Variants in SERPINB8 observed in about 807,000 individuals in gnomAD.
SERPINB8 encodes the protein serpin family B member 8, also known as serpin B8.
In SERPINB8, 25 loss-of-function variants were observed where a neutral mutation model predicts 35.3. The observed-to-expected ratio is 0.71, with a 90% CI of 0.52 to 0.99. The LOEUF (loss-of-function observed/expected upper bound fraction) is 0.99, where lower values mean the gene tolerates loss of function less well. Ranked by LOEUF, SERPINB8 falls within the 50% of genes least tolerant of loss-of-function variation. The probability of loss-of-function intolerance (pLI) is 0.00; values close to 1 mark genes in which losing one functional copy is unlikely to be tolerated. For missense variants in SERPINB8, 484 were observed against 446.5 expected (o/e 1.08, Z -0.76); for synonymous variants, 186 against 160.8 (o/e 1.16, Z -1.19).
chr18:63,980,044 T>A, intron 3 of SERPINB8, 106 bp downstream of exon 3: 1 of 1,116,250 alleles, frequency 9.0e-7, no homozygotes, highest in Middle Eastern at 2.8e-4. Flanking sequence ...TGCTTGGAAT[T>A]ACACTTCTGA....
At chr18:64,001,475 G>GTTTA (rs59133514) in intron 1 of SERPINB8, among the ~76,000 whole-genome samples, 2,359 of 146,894 alleles carry the variant, frequency 0.016, 42 homozygotes, top group African/African-American at 0.048. Context: ...TTGTTTGTTT[G>GTTTA]TTTATTTATT....
chr18:64,013,828 T>G (rs973537480), intron 7 of SERPINB8, among the ~76,000 whole-genome samples: 1 of 152,154 alleles, frequency 6.6e-6, no homozygotes, highest in Non-Finnish European at 1.5e-5. Context: ...AAGATGATGC[T>G]TATTGAAGGA....
chr18:64,007,345 A>G (rs1486278725), downstream of SERPINB8, among the ~76,000 whole-genome samples: 1 of 152,214 alleles, frequency 6.6e-6, no homozygotes, highest in Non-Finnish European at 1.5e-5. Context: ...ACGTTCTCCC[A>G]TAGAGAAAAC....
intron 1 of SERPINB8, among the ~76,000 whole-genome samples, chr18:63,977,487 C>T (rs1214714961): frequency 2.0e-5 from 3 of 152,226 alleles, no homozygotes; most frequent in African/African-American, 7.2e-5. Flanking sequence ...GCCACCATGC[C>T]TGGATAATTT....
intron 1 of SERPINB8, among the ~76,000 whole-genome samples, chr18:64,002,647 C>A (rs933818028): frequency 2.0e-5 from 3 of 152,034 alleles, no homozygotes; most frequent in East Asian, 3.9e-4. Flanking sequence ...GCGGGGCCCT[C>A]GCGTGCGGTC....
chr18:63,978,714 A>C (rs2050623057), intron 2 of SERPINB8, among the ~76,000 whole-genome samples: 1 of 152,274 alleles, frequency 6.6e-6, no homozygotes, highest in South Asian at 2.1e-4. Flanking sequence ...AGATCAGATC[A>C]TCAATACAGT....
At chr18:64,015,276 G>A (rs930341889) in intron 7 of SERPINB8, among the ~76,000 whole-genome samples, 2 of 152,158 alleles carry the variant, frequency 1.3e-5, no homozygotes, top group Non-Finnish European at 2.9e-5. Flanking sequence ...GGCAAGGGTG[G>A]ATTTGTAGAT....
At chr18:63,976,991 A>G (rs2050592549) in intron 1 of SERPINB8, among the ~76,000 whole-genome samples, 2 of 151,850 alleles carry the variant, frequency 1.3e-5, no homozygotes, top group South Asian at 4.2e-4. Context: ...GGTGAAATGT[A>G]TCTAGCTGTT....
chr18:63,972,255 A>G (rs1368107093), intron 1 of SERPINB8, among the ~76,000 whole-genome samples: 4 of 152,130 alleles, frequency 2.6e-5, no homozygotes, highest in Non-Finnish European at 5.9e-5. Flanking sequence ...TTTACTGTCT[A>G]CACATGCATC....
chr18:64,013,122 C>T (rs1387707342), intron 7 of SERPINB8, among the ~76,000 whole-genome samples: 2 of 151,860 alleles, frequency 1.3e-5, no homozygotes, highest in South Asian at 2.1e-4. Context: ...TCTGGGTTGC[C>T]GATTACTCTG....
intron 7 of SERPINB8, among the ~76,000 whole-genome samples, chr18:64,015,418 AG>A (rs1489401571): frequency 3.3e-5 from 5 of 152,198 alleles, no homozygotes; most frequent in African/African-American, 1.2e-4. Context: ...GAAACATAAA[AG>A]GGTTTGCCTA....
At chr18:63,985,463 G>C (rs1475123313) in intron 6 of SERPINB8, among the ~76,000 whole-genome samples, 1 of 152,178 alleles carries the variant, frequency 6.6e-6, no homozygotes, top group Non-Finnish European at 1.5e-5. Context: ...TAAGAAGAGA[G>C]AGTTCTAAAT....
At chr18:63,989,709 C>T (rs1459226413), downstream of SERPINB8, among the ~76,000 whole-genome samples, 2 of 151,892 alleles carry the variant, frequency 1.3e-5, no homozygotes, top group African/African-American at 4.8e-5. Context: ...TTTGGGAGGC[C>T]GAGGCGGGCG....
chr18:64,003,238 C>A (rs1350236365), intron 1 of SERPINB8, among the ~76,000 whole-genome samples: 1 of 152,108 alleles, frequency 6.6e-6, no homozygotes, highest in Non-Finnish European at 1.5e-5. Context: ...GCCACCGGGA[C>A]TGATTTTAGA....
In SERPINB8 at chr18:63,977,477, G is replaced by A. The variant is rs538852704; in HGVS notation, c.-10-822G>A. ...CAAGTAGCTGGGATTACAGGTGCCC[G>A]CCACCATGCCTGGATAATTTTTGAA... On this transcript the variant is annotated intron_variant, in intron 1 of 6. Coordinates refer to ENST00000397985, the MANE Select transcript of SERPINB8 (RefSeq NM_002640.4). Among the ~76,000 whole-genome samples, 25 of 152,134 alleles carry A rather than the reference G, an allele frequency of 1.6e-4. 1 individual carries two copies. The highest frequency in any genetic ancestry group is 5.3e-4 in the African/African-American group (22 of 41,506).
intron 7 of SERPINB8, among the ~76,000 whole-genome samples, chr18:64,014,505 G>A (rs2050940681): frequency 1.3e-5 from 2 of 152,168 alleles, no homozygotes; most frequent in African/African-American, 2.4e-5. Flanking sequence ...TGGGAACGCT[G>A]AAGACCTCAG....
At chr18:64,007,230 CAG>C (rs575986153), downstream of SERPINB8, among the ~76,000 whole-genome samples, 119 of 151,766 alleles carry the variant, frequency 7.8e-4, 1 homozygote, top group African/African-American at 2.8e-3. Context: ...CTAAGAGAAA[CAG>C]AAAAGTCTTC....
chr18:63,970,255 G>C (rs2050443973), intron 1 of SERPINB8, 85 bp downstream of exon 1: 1 of 197,106 alleles, frequency 5.1e-6, no homozygotes, highest in South Asian at 6.6e-5. Context: ...TGGAGTGCGT[G>C]AGAGAGGGGA....
At chr18:63,989,551 T>C (rs514315), downstream of SERPINB8, among the ~76,000 whole-genome samples, 63,362 of 151,930 alleles carry the variant, frequency 0.42, 14,766 homozygotes, top group African/African-American at 0.64. Flanking sequence ...GGTTTTTCTC[T>C]CTTCTCACCA....
Sources: allele counts gnomAD v4.1 joint callset (sites outside exome capture counted in the v4.1 genomes callset), GRCh38; gene constraint gnomAD v4.1.1; transcripts MANE v1.5; gene names NCBI Gene and HGNC (gene_info 2026-07-23, HGNC 2026-07-21).